Variants in ANXA10 observed in about 807,000 individuals in gnomAD.
ANXA10 encodes annexin 14.
Under a neutral mutation model 53.5 loss-of-function variants are expected in ANXA10, and 49 were observed. The observed-to-expected ratio is 0.92, with a 90% CI of 0.73 to 1.16. The LOEUF (loss-of-function observed/expected upper bound fraction) is 1.16, where lower values mean the gene tolerates loss of function less well. Among genes scored for constraint, ANXA10 ranks in the 50% most tolerant of loss-of-function variants. ANXA10 has a pLI of 0.00. For synonymous variants in ANXA10, 131 were observed against 128.9 expected (o/e 1.02, Z -0.11); for missense variants, 393 against 394.4 (o/e 1.00, Z 0.03).
intron 3 of ANXA10, 74 bp downstream of exon 3, chr4:168,139,654 T>C (rs1032037548): frequency 5.5e-6 from 5 of 912,326 alleles, no homozygotes; most frequent in African/African-American, 1.7e-5. Flanking sequence ...ATAATAGGTA[T>C]TTTTTTTTTC....
In ANXA10 at chr4:168,092,538, T is replaced by G. The variant is rs1440251596; in HGVS notation, c.-163T>G. 1 of 656,324 alleles carries G rather than the reference T, an allele frequency of 1.5e-6. No homozygotes were observed. The highest frequency in any genetic ancestry group is 2.6e-6 in the Non-Finnish European group (1 of 386,108). The allele number at this position is 656,324 out of a possible 1,614,324, so 40.7% of individuals were successfully genotyped here. A position where few individuals can be genotyped will look rare whatever the true frequency, so the allele number is the denominator to read the frequency against. ...ATACAGTATCTCAAGTCATGCTGTA[T>G]CCAGATTTGCTTTTACATTTTCTTG... On this transcript the variant is annotated 5_prime_UTR_variant, in exon 1 of 12. Transcript: ENST00000359299.
Position 168,187,581 on chromosome 4 carries a change from A to C in ANXA10, c.*147A>C. On this transcript the variant is annotated 3_prime_UTR_variant, in exon 12 of 12. Coordinates refer to ENST00000359299, the MANE Select transcript of ANXA10 (RefSeq NM_007193.5). ...CTATCTTTGAAATTATTCTAAGCCA[A>C]AGAAAACTATGAATGAAAGTATATG... 1 of 472,248 alleles carries C rather than the reference A, an allele frequency of 2.1e-6. No individual in the cohort carries two copies. 29.3% of individuals were successfully genotyped at this position (472,248 alleles called of 1,614,324 possible).
intron 1 of ANXA10, 29 bp from the exon 2 acceptor site, chr4:168,128,054 CA>C: frequency 6.4e-7 from 1 of 1,562,032 alleles, no homozygotes; most frequent in Non-Finnish European, 8.8e-7. Flanking sequence ...TGAATTATTA[CA>C]ATCACTTTCT....
At chr4:168,105,967 A>G (rs920525174) in intron 1 of ANXA10, among the ~76,000 whole-genome samples, 3 of 152,056 alleles carry the variant, frequency 2.0e-5, no homozygotes, top group African/African-American at 7.2e-5. Flanking sequence ...TGTTTCACAC[A>G]TACTCCAAAC....
chr4:168,174,142 ACTTGGGAC>A (rs1190192218), intron 6 of ANXA10, among the ~76,000 whole-genome samples: 12 of 151,928 alleles, frequency 7.9e-5, no homozygotes, highest in Admixed American at 7.9e-4. Context: ...TGGGACAAAA[ACTTGGGAC>A]CTGCCAAACA....
At chr4:168,174,132 T>C (rs1472691123) in intron 6 of ANXA10, among the ~76,000 whole-genome samples, 1 of 152,024 alleles carries the variant, frequency 6.6e-6, no homozygotes, top group East Asian at 1.9e-4. Context: ...TCCTTGGATG[T>C]GGGACAAAAA....
intron 1 of ANXA10, among the ~76,000 whole-genome samples, chr4:168,097,295 G>T (rs1308578050): frequency 6.6e-6 from 1 of 151,804 alleles, no homozygotes; most frequent in Admixed American, 6.6e-5. Context: ...CCTTCATATG[G>T]TTAAATCCCA....
In ANXA10 at chr4:168,165,241, A is replaced by C. The variant is rs1328602787; in HGVS notation, c.401-6A>C. The C allele has an allele frequency of 6.5e-7, 1 of 1,534,932 alleles. No homozygotes were observed. Among genetic ancestry groups the C allele is most frequent in the Admixed American group, 1.8e-5 (1 of 57,132 alleles). ...AATCATACCTTTAACATGTTTTCTT[A>C]TACAGAATACAGCAATAACCTCCAA... is the stretch of plus-strand genomic sequence containing the variant. On this transcript the variant is annotated splice_region_variant and splice_polypyrimidine_tract_variant and intron_variant, in intron 5 of 11. Transcript: ENST00000359299.
At chr4:168,154,965 G>A (rs2149475035) in intron 3 of ANXA10, among the ~76,000 whole-genome samples, 1 of 151,806 alleles carries the variant, frequency 6.6e-6, no homozygotes, top group African/African-American at 2.4e-5. Context: ...CCATTATTAG[G>A]GCCTCATGGT....
intron 3 of ANXA10, 52 bp downstream of exon 3, chr4:168,139,632 C>A: frequency 7.2e-7 from 1 of 1,390,176 alleles, no homozygotes; most frequent in Non-Finnish European, 1.0e-6. Flanking sequence ...TGAGAACTAA[C>A]CACACTCACG....
At chr4:168,167,161 C>G (rs1731896515) in intron 6 of ANXA10, among the ~76,000 whole-genome samples, 1 of 152,120 alleles carries the variant, frequency 6.6e-6, no homozygotes, top group Non-Finnish European at 1.5e-5. Context: ...GAAGTCCTCC[C>G]CTGTCCTTTA....
chr4:168,120,028 A>G (rs9991416), intron 1 of ANXA10, among the ~76,000 whole-genome samples: 95,291 of 151,802 alleles, frequency 0.63, 30,634 homozygotes, highest in African/African-American at 0.76. Context: ...ATAGCATAGG[A>G]TAGCTTTAAG....
intron 3 of ANXA10, among the ~76,000 whole-genome samples, chr4:168,154,214 A>G (rs1731561324): frequency 6.6e-6 from 1 of 152,224 alleles, no homozygotes; most frequent in Non-Finnish European, 1.5e-5. Flanking sequence ...ATGCTTGCAT[A>G]GTCTTCAGCT....
chr4:168,125,804 C>A (rs1456757424), intron 1 of ANXA10, among the ~76,000 whole-genome samples: 1 of 152,054 alleles, frequency 6.6e-6, no homozygotes, highest in East Asian at 1.9e-4. Flanking sequence ...TACTCATGCT[C>A]TTCAGTATAG....
intron 3 of ANXA10, 108 bp from the exon 4 acceptor site, chr4:168,162,420 T>C (rs1731801302): frequency 6.5e-6 from 5 of 764,370 alleles, no homozygotes; most frequent in Non-Finnish European, 6.7e-6. Context: ...TATGCTGTTA[T>C]TATTAAATGA....
At chr4:168,112,311 G>C (rs759659625) in intron 1 of ANXA10, among the ~76,000 whole-genome samples, 32 of 152,070 alleles carry the variant, frequency 2.1e-4, no homozygotes, top group South Asian at 1.0e-3. Context: ...TGGCGGGCTG[G>C]GGGGAAGGCA....
chr4:168,133,505 A>G (rs1221196350), intron 2 of ANXA10, among the ~76,000 whole-genome samples: 1 of 152,088 alleles, frequency 6.6e-6, no homozygotes, highest in Non-Finnish European at 1.5e-5. Flanking sequence ...TTTTGAAAGC[A>G]GTGTTGGGTG....
chr4:168,127,596 CA>C (rs1453443403), intron 1 of ANXA10: 1 of 176,762 alleles, frequency 5.7e-6, no homozygotes, highest in African/African-American at 2.4e-5. Context: ...TTGATTCTCC[CA>C]TTTTTTTACT....
chr4:168,147,050 C>T lies in ANXA10; in HGVS notation c.195+7470C>T, dbSNP rs1050084025. On this transcript the variant is annotated intron_variant, in intron 3 of 11. Coordinates refer to ENST00000359299, the MANE Select transcript of ANXA10 (RefSeq NM_007193.5). The stretch of plus-strand genomic sequence containing the variant: ...CATTTAGGGCAACAGATTGAGGTCC[C>T]CATTGAATCAGCAGCTTGCTGATTT... Among the ~76,000 whole-genome samples, 3 of 152,126 alleles carry T rather than the reference C, an allele frequency of 2.0e-5. No homozygotes were observed. In the East Asian group the frequency reaches 5.8e-4, roughly 29 times the overall value.
Sources: gnomAD v4.1 joint callset for allele counts (sites outside exome capture counted in the v4.1 genomes callset) on GRCh38, gnomAD v4.1.1 for gene constraint, MANE v1.5 for transcripts, NCBI Gene and HGNC (gene_info 2026-07-23, HGNC 2026-07-21) for gene names.